TPO: variants seen among roughly 807,000 people sequenced by gnomAD.
TPO encodes thyroid peroxidase, also known as thyroid microsomal antigen.
A neutral mutation model predicts 96.9 loss-of-function variants in TPO; 78 were observed. That is an observed-to-expected ratio of 0.81 (90% CI 0.67 to 0.97). The LOEUF is 0.97. TPO is among the 50% of genes least tolerant of loss of function. TPO has a pLI of 0.00. For synonymous variants in TPO, 547 were observed against 538.0 expected (o/e 1.02, Z -0.23); for missense variants, 1,252 against 1,274.8 (o/e 0.98, Z 0.27).
intron 14 of TPO, among the ~76,000 whole-genome samples, chr2:1,505,586 CCTT>C (rs1268606683): frequency 2.6e-5 from 4 of 151,026 alleles, no homozygotes; most frequent in Admixed American, 2.0e-4. Flanking sequence ...CACCCCCACT[CCTT>C]TTGTTGTTGT....
chr2:1,402,120 G>A (rs1022016176), intron 1 of TPO, among the ~76,000 whole-genome samples: 1 of 152,190 alleles, frequency 6.6e-6, no homozygotes, highest in Non-Finnish European at 1.5e-5. Context: ...TCTCCATCCT[G>A]TGGATTCCGT....
At chr2:1,538,109 CCTCAAATCCCCGCACTGTGTTCAACCTT>C (rs1175243112) in intron 15 of TPO, among the ~76,000 whole-genome samples, 62 of 111,004 alleles carry the variant, frequency 5.6e-4, no homozygotes, top group Middle Eastern at 3.9e-3. Flanking sequence ...TGTGCAACCT[CCTCAAATCCCCGCACTGTGTTCAACCTT>C]CTCAAATACC....
chr2:1,529,585 ACC>A (rs1677530161), intron 15 of TPO, among the ~76,000 whole-genome samples: 2 of 7,126 alleles, frequency 2.8e-4, no homozygotes, highest in Non-Finnish European at 5.2e-4. Context: ...CAAATCCCCC[ACC>A]ACTCAGAGCA....
chr2:1,494,093 C>A, intron 11 of TPO, 54 bp downstream of exon 11: 1 of 1,574,750 alleles, frequency 6.4e-7, no homozygotes, highest in Non-Finnish European at 8.7e-7. Context: ...GGCAGGTGGT[C>A]TGCGTTGGTT....
intron 2 of TPO, among the ~76,000 whole-genome samples, chr2:1,422,105 C>A (rs1254679757): frequency 1.3e-5 from 2 of 152,228 alleles, no homozygotes; most frequent in African/African-American, 4.8e-5. Context: ...GGTTACTCAT[C>A]CCAGAACCCA....
intron 5 of TPO, 106 bp downstream of exon 5, chr2:1,436,490 C>T: frequency 6.5e-7 from 1 of 1,541,546 alleles, no homozygotes; most frequent in South Asian, 1.2e-5. Context: ...CTGTATCCAC[C>T]CCTGAGCCCC....
Position 1,385,703 on chromosome 2 carries a change from C to T in TPO, n.180+11301C>T, listed in dbSNP as rs1661883008. 4.0e-5 allele frequency among the ~76,000 whole-genome samples: 6 copies of T among 150,306 alleles called. 1 individual carries two copies. The South Asian group carries it at 1.3e-3, about 31-fold the overall frequency. On this transcript the variant is annotated intron_variant and non_coding_transcript_variant, in intron 1 of 5. Transcript: ENST00000497517. ...TGATTTTTTGAAGGGTTTTTTGTGTCTCTATCTACTTCAGTTCTGCTCTGA... is the reference window on the plus strand; with the variant it reads ...TGATTTTTTGAAGGGTTTTTTGTGTTTCTATCTACTTCAGTTCTGCTCTGA...
At chr2:1,436,664 C>T (rs1665607551) in intron 5 of TPO, among the ~76,000 whole-genome samples, 2 of 152,350 alleles carry the variant, frequency 1.3e-5, no homozygotes, top group Admixed American at 1.3e-4. Context: ...CCGCCCTTCA[C>T]CTAAGAGCTC....
intron 3 of TPO, among the ~76,000 whole-genome samples, chr2:1,425,297 G>A (rs62105603): frequency 9.1e-4 from 136 of 148,694 alleles, no homozygotes; most frequent in Middle Eastern, 3.5e-3. Flanking sequence ...CTAGATGCCG[G>A]GATACAGAGA....
intron 2 of TPO, among the ~76,000 whole-genome samples, chr2:1,418,298 AAAG>A (rs1250699915): frequency 1.3e-5 from 2 of 150,756 alleles, no homozygotes; most frequent in African/African-American, 5.0e-5. Context: ...AAAAAAAAAA[AAAG>A]AGAGAGAGAG....
intron 15 of TPO, among the ~76,000 whole-genome samples, chr2:1,525,927 C>T (rs75389815): frequency 0.031 from 1,442 of 46,292 alleles, 1 homozygote; most frequent in Middle Eastern, 0.068. Flanking sequence ...CCCCACTGTG[C>T]GCAACCTCCT....
intron 7 of TPO, among the ~76,000 whole-genome samples, 188 bp downstream of exon 7, chr2:1,456,470 G>C (rs1328803757): frequency 6.6e-6 from 1 of 152,186 alleles, no homozygotes; most frequent in African/African-American, 2.4e-5. Context: ...ATGTATGATA[G>C]TGTGGGTACA....
chr2:1,462,716 G>A (rs1040707724), intron 7 of TPO, among the ~76,000 whole-genome samples: 2 of 152,154 alleles, frequency 1.3e-5, no homozygotes, highest in African/African-American at 4.8e-5. Flanking sequence ...TGTGACATAA[G>A]GTATGAAATG....
Position 1,456,275 on chromosome 2 carries a change from C to T in TPO, c.812C>T (p.Pro271Leu), listed in dbSNP as rs940032005. The change falls in exon 7 of 17, where the codon CCC (proline) becomes CTC (leucine). Residue 271 changes from proline to leucine, a missense_variant. By Grantham distance (98) the Pro-to-Leu change is moderately conservative. Coordinates refer to ENST00000329066, the MANE Select transcript of TPO (RefSeq NM_001206744.2). ...TGTGAGAACCAAAACCCATGTTTTCCCATACAAGTAAGTTTTAGAAAACGT... is the reference window on the plus strand; with the variant it reads ...TGTGAGAACCAAAACCCATGTTTTCTCATACAAGTAAGTTTTAGAAAACGT... ...MTCENQNPCF[P>L]IQLPEEARPA... 2.5e-6 allele frequency: 4 copies of T among 1,614,062 alleles called. No individual in the cohort carries two copies. Among genetic ancestry groups the T allele is most frequent in the Non-Finnish European group, 3.4e-6 (4 of 1,179,990 alleles).
At chr2:1,386,410 C>T (rs1661896097) in intron 1 of TPO, among the ~76,000 whole-genome samples, 1 of 152,162 alleles carries the variant, frequency 6.6e-6, no homozygotes, top group South Asian at 2.1e-4. Flanking sequence ...GTATTAGGTG[C>T]ATATATATTT....
intron 8 of TPO, among the ~76,000 whole-genome samples, chr2:1,479,069 C>T (rs1422936935): frequency 1.4e-4 from 21 of 152,232 alleles, no homozygotes; most frequent in Non-Finnish European, 7.3e-5. Context: ...GCACCCACGT[C>T]GCTTTCAAGC....
chr2:1,379,620 G>A (rs61644794), intron 1 of TPO, among the ~76,000 whole-genome samples: 8,785 of 152,170 alleles, frequency 0.058, 672 homozygotes, highest in East Asian at 0.3. Flanking sequence ...AAACCAGGGC[G>A]TCGGTATAGC....
chr2:1,434,204 G>C (rs959897943), intron 4 of TPO, among the ~76,000 whole-genome samples: 1 of 152,206 alleles, frequency 6.6e-6, no homozygotes, highest in Non-Finnish European at 1.5e-5. Flanking sequence ...TGGTAATGCA[G>C]GCATTCAAAA....
intron 13 of TPO, among the ~76,000 whole-genome samples, chr2:1,503,024 A>G (rs1436244770): frequency 4.6e-5 from 7 of 152,152 alleles, no homozygotes; most frequent in South Asian, 2.1e-4. Flanking sequence ...AGGTTCGCAC[A>G]TTCTCATCGT....
Sources: allele counts gnomAD v4.1 joint callset (sites outside exome capture counted in the v4.1 genomes callset), GRCh38; gene constraint gnomAD v4.1.1; transcripts MANE v1.5; gene names NCBI Gene and HGNC (gene_info 2026-07-23, HGNC 2026-07-21).